Variants in CNTNAP3 observed in about 807,000 individuals in gnomAD.
The protein encoded by CNTNAP3 is contactin-associated protein-like 3.
CNTNAP3 carries 36 observed loss-of-function variants against 92.1 expected under a neutral mutation model. That is an observed-to-expected ratio of 0.39 (90% confidence interval 0.30 to 0.52). The LOEUF is 0.52. CNTNAP3 is among the 20% of genes least tolerant of loss of function. CNTNAP3 has a pLI of 0.76. For synonymous variants in CNTNAP3, 232 were observed against 422.3 expected (o/e 0.55, Z 5.53); for missense variants, 534 against 1,069.6 (o/e 0.50, Z 6.98).
At chr9:39,108,941 A>T (rs1295768757) in intron 15 of CNTNAP3, among the ~76,000 whole-genome samples, 1 of 152,144 alleles carries the variant, frequency 6.6e-6, no homozygotes, top group Admixed American at 6.5e-5. Flanking sequence ...TAATAAGTTA[A>T]AACAAAGATG....
At chr9:39,105,851 ATCTC>A (rs565155569) in intron 15 of CNTNAP3, among the ~76,000 whole-genome samples, 1 of 140,464 alleles carries the variant, frequency 7.1e-6, no homozygotes, top group African/African-American at 2.6e-5. Context: ...GTGTATTTGT[ATCTC>A]TCTCTCTCTC....
chr9:39,094,750 T>C (rs1029276566), intron 18 of CNTNAP3, among the ~76,000 whole-genome samples: 1 of 151,632 alleles, frequency 6.6e-6, no homozygotes, highest in Admixed American at 6.6e-5. Context: ...TAATGTAGTT[T>C]ATAGTAAGTT....
At chr9:39,074,635 T>G (rs1825705602) in intron 23 of CNTNAP3, among the ~76,000 whole-genome samples, 1 of 152,138 alleles carries the variant, frequency 6.6e-6, no homozygotes, top group Non-Finnish European at 1.5e-5. Flanking sequence ...ATCCTTCAGT[T>G]AACAAGTGGG....
intron 4 of CNTNAP3, among the ~76,000 whole-genome samples, chr9:39,184,251 CATTCATTTCTGCTGGGT>C (rs1822492718): frequency 7.3e-6 from 1 of 136,962 alleles, no homozygotes; most frequent in Non-Finnish European, 1.6e-5. Context: ...TTGACATATG[CATTCATTTCTGCTGGGT>C]AAATACATGG....
chr9:39,118,104 A>G lies in CNTNAP3; in HGVS notation c.2236T>C (p.Trp746Arg). The G allele has an allele frequency of 6.2e-7, 1 of 1,604,394 alleles. No individual in the cohort carries two copies. Among genetic ancestry groups the G allele is most frequent in the Non-Finnish European group, 8.5e-7 (1 of 1,175,150 alleles). The change falls in exon 14 of 24, where the codon TGG becomes CGG. Residue 746 changes from tryptophan to arginine, a missense_variant and splice_region_variant. Trp to Arg is a moderately radical substitution (Grantham distance 101). Coordinates refer to ENST00000297668, the MANE Select transcript of CNTNAP3 (RefSeq NM_033655.5). ...GCAGGGAAATCATGTGGAAATCACC[A>G]TTCATTCCGGCCAGCATCACAGTTG... ...YCNCDAGRNE[W>R]TSDTIVLSQK...
intron 19 of CNTNAP3, among the ~76,000 whole-genome samples, chr9:39,087,533 C>T (rs1826089107): frequency 6.6e-6 from 1 of 151,948 alleles, no homozygotes; most frequent in South Asian, 2.1e-4. Context: ...GTCACCCAGG[C>T]TGGAGTGCAG....
At chr9:39,107,032 T>C (rs1826621116) in intron 15 of CNTNAP3, among the ~76,000 whole-genome samples, 1 of 152,066 alleles carries the variant, frequency 6.6e-6, no homozygotes, top group Non-Finnish European at 1.5e-5. Context: ...GCTATTGCAG[T>C]TCAGAAGGGA....
chr9:39,125,889 G>T (rs1046276519), intron 13 of CNTNAP3, among the ~76,000 whole-genome samples: 3 of 152,126 alleles, frequency 2.0e-5, no homozygotes, highest in Non-Finnish European at 4.4e-5. Context: ...TACCACTGGA[G>T]ACTTCAACAC....
chr9:39,140,832 A>G (rs1821557435), intron 11 of CNTNAP3, among the ~76,000 whole-genome samples, 194 bp from the exon 12 acceptor site: 1 of 152,222 alleles, frequency 6.6e-6, no homozygotes, highest in Non-Finnish European at 1.5e-5. Flanking sequence ...TTATTAACAA[A>G]GGAGAAAAAA....
At chr9:39,138,959 T>C (rs1821506413) in intron 12 of CNTNAP3, among the ~76,000 whole-genome samples, 1 of 152,206 alleles carries the variant, frequency 6.6e-6, no homozygotes, top group Non-Finnish European at 1.5e-5. Context: ...GACAGAGTGC[T>C]GACTTCCAAG....
At chr9:39,109,333 A>C in intron 14 of CNTNAP3, 46 bp from the exon 15 acceptor site, 1 of 1,605,406 alleles carries the variant, frequency 6.2e-7, no homozygotes, top group Non-Finnish European at 8.5e-7. Context: ...TGATTAACAT[A>C]CGGGCAAAAT....
chr9:39,136,792 T>G (rs2118072153), intron 12 of CNTNAP3, among the ~76,000 whole-genome samples: 1 of 152,024 alleles, frequency 6.6e-6, no homozygotes, highest in South Asian at 2.1e-4. Flanking sequence ...TCCCAGCTAC[T>G]CAGGAGGCTG....
At chr9:39,083,012 A>G (rs1239117919) in intron 21 of CNTNAP3, among the ~76,000 whole-genome samples, 1 of 151,976 alleles carries the variant, frequency 6.6e-6, no homozygotes. Flanking sequence ...TAAATGAGAC[A>G]AACACCATAG....
chr9:39,151,609 TATATA>T (rs1186872781), intron 9 of CNTNAP3, among the ~76,000 whole-genome samples: 1 of 141,848 alleles, frequency 7.0e-6, no homozygotes, highest in Non-Finnish European at 1.5e-5. Context: ...CATTTCGGCT[TATATA>T]ATATGCCATA....
At position 39,072,066 on chromosome 9, in the gene CNTNAP3, G is replaced by A. The variant is rs1180088339; in HGVS notation, c.*1824C>T. ...CTAAAAATCAGTGCAAAAGATTGAT[G>A]GTGATGATGTATCAATGCAATTTGA... On this transcript the variant is annotated 3_prime_UTR_variant, in exon 24 of 24. Coordinates refer to ENST00000297668, the MANE Select transcript of CNTNAP3 (RefSeq NM_033655.5). 2.8e-5 allele frequency among the ~76,000 whole-genome samples: 3 copies of A among 107,120 alleles called. No homozygotes were observed. The highest frequency in any genetic ancestry group is 3.5e-4 in the South Asian group (1 of 2,862). The allele number at this position is 107,120 out of a possible 152,430, so 70.3% of individuals were successfully genotyped here. A position where few individuals can be genotyped will look rare whatever the true frequency, so the allele number is the denominator to read the frequency against.
intron 18 of CNTNAP3, among the ~76,000 whole-genome samples, chr9:39,094,430 C>T (rs1267630796): frequency 6.6e-6 from 1 of 151,366 alleles, no homozygotes; most frequent in Non-Finnish European, 1.5e-5. Flanking sequence ...TTTAAAAAAC[C>T]ACTGCCAAAT....
rs1461680149 is a variant in CNTNAP3, at chr9:39,144,443, AAAGAGCAGC to A, written c.1650-106_1650-98del. Reference sequence around the variant, plus strand: ...GGTTAACCAAAAACAGGTTAATGTGAAAGAGCAGCATATGCAAGATAACCCCACATGACG... The same window carrying A: ...GGTTAACCAAAAACAGGTTAATGTGAATATGCAAGATAACCCCACATGACG... On this transcript the variant is annotated intron_variant, in intron 10 of 23. Coordinates refer to ENST00000297668, the MANE Select transcript of CNTNAP3 (RefSeq NM_033655.5). 2.3e-5 allele frequency: 35 copies of A among 1,493,186 alleles called. No homozygotes were observed. The African/African-American group carries it at 4.1e-4, about 17-fold the overall frequency. 92.5% of individuals were successfully genotyped at this position (1,493,186 alleles called of 1,614,324 possible).
intron 18 of CNTNAP3, among the ~76,000 whole-genome samples, chr9:39,094,570 C>T (rs1228200652): frequency 7.1e-6 from 1 of 141,044 alleles, no homozygotes; most frequent in Admixed American, 6.8e-5. Flanking sequence ...TGTGAACATC[C>T]ACTTTTCCTA....
At position 39,149,976 on chromosome 9, in the gene CNTNAP3, G is replaced by C; in HGVS notation, c.1479C>G (p.Gly493=). The C allele has an allele frequency of 6.2e-7, 1 of 1,611,918 alleles. No homozygotes were observed. The highest frequency in any genetic ancestry group is 8.5e-7 in the Non-Finnish European group (1 of 1,179,822). ...CAGAGCCAGAGCTGTTGTCCAGGCAGCCTAAATATGAAGACAAAAATAGGA... is the reference window on the plus strand; with the variant it reads ...CAGAGCCAGAGCTGTTGTCCAGGCACCCTAAATATGAAGACAAAAATAGGA... ...IDSGDTYYFG[G]CLDNSSGSGC... Residue 493 remains glycine (G), a splice_region_variant and synonymous_variant, in exon 10 of 24, where the codon GGC becomes GGG. Transcript: ENST00000297668.
Sources: gnomAD v4.1 joint callset for allele counts (sites outside exome capture counted in the v4.1 genomes callset) on GRCh38, gnomAD v4.1.1 for gene constraint, MANE v1.5 for transcripts, NCBI Gene and HGNC (gene_info 2026-07-23, HGNC 2026-07-21) for gene names.